The following ZMYND11 variants were observed in gnomAD, a reference collection of about 807,000 sequenced individuals.
ZMYND11 encodes zinc finger MYND-type containing 11.
A neutral mutation model predicts 84.9 loss-of-function variants in ZMYND11; 9 were observed. The ratio of observed to expected loss-of-function variants is 0.11; its 90% CI spans 0.06 to 0.18. The LOEUF (loss-of-function observed/expected upper bound fraction) is 0.18. Ranked by LOEUF, ZMYND11 falls within the 10% of genes least tolerant of loss-of-function variation. The probability of loss-of-function intolerance (pLI) is 1.00; values close to 1 mark genes in which losing one functional copy is unlikely to be tolerated. For synonymous variants in ZMYND11, 250 were observed against 244.1 expected (o/e 1.02, Z -0.23); for missense variants, 409 against 761.0 (o/e 0.54, Z 5.44).
At chr10:162,892 A>G (rs1159319448) in intron 1 of ZMYND11, among the ~76,000 whole-genome samples, 1 of 152,148 alleles carries the variant, frequency 6.6e-6, no homozygotes, top group Non-Finnish European at 1.5e-5. Flanking sequence ...TCTTGCTGTA[A>G]TGGTGACTGG....
chr10:148,635 C>G (rs1465382128), intron 1 of ZMYND11: 1 of 152,224 alleles, frequency 6.6e-6, no homozygotes, highest in African/African-American at 2.4e-5. Flanking sequence ...ACATAGTGTT[C>G]ATAATTCTTC....
intron 2 of ZMYND11, among the ~76,000 whole-genome samples, chr10:203,615 A>C (rs1459879513): frequency 1.3e-5 from 2 of 152,026 alleles, no homozygotes; most frequent in Non-Finnish European, 2.9e-5. Flanking sequence ...AAGGAGAGGA[A>C]CTCCCTAAGG....
At chr10:156,169 A>C (rs1841672235) in intron 1 of ZMYND11, among the ~76,000 whole-genome samples, 1 of 152,158 alleles carries the variant, frequency 6.6e-6, no homozygotes, top group African/African-American at 2.4e-5. Flanking sequence ...ACATCTGATG[A>C]TGCACAGGAT....
At chr10:190,998 A>G (rs990718921) in intron 2 of ZMYND11, among the ~76,000 whole-genome samples, 1 of 152,090 alleles carries the variant, frequency 6.6e-6, no homozygotes, top group African/African-American at 2.4e-5. Context: ...TAGGGTATAT[A>G]TATTTTCTAT....
At chr10:145,886 A>C (rs1018738724) in intron 1 of ZMYND11, among the ~76,000 whole-genome samples, 1 of 151,810 alleles carries the variant, frequency 6.6e-6, no homozygotes, top group African/African-American at 2.4e-5. Flanking sequence ...TTTTTAGTTT[A>C]ATTAGGTCTT....
chr10:219,361 C>T (rs965236510), intron 3 of ZMYND11, among the ~76,000 whole-genome samples: 4 of 152,056 alleles, frequency 2.6e-5, no homozygotes, highest in African/African-American at 9.7e-5. Flanking sequence ...TGAATGATGG[C>T]AATTTCTTTT....
chr10:237,612 G>A lies in ZMYND11; in HGVS notation c.544G>A (p.Asp182Asn). ...RAIDLNKKGKDNKHPMYRRLV... is the reference protein window; with the variant it reads ...RAIDLNKKGKNNKHPMYRRLV... ...TATAGATCTTAATAAAAAGGGGAAGGACAATAAACACCCGATGTACAGGAG... is the reference window on the plus strand; with the variant it reads ...TATAGATCTTAATAAAAAGGGGAAGAACAATAAACACCCGATGTACAGGAG... The change falls in exon 6 of 15, where the codon GAC becomes AAC. Residue 182 changes from aspartate (D) to asparagine (N), a missense_variant. Asp to Asn is a conservative substitution (Grantham distance 23). This residue lies in a region of ZMYND11 where 53 missense variants were observed against 71.1 expected (regional missense o/e 0.75). Transcript: ENST00000381604. 1.2e-6 allele frequency: 2 copies of A among 1,613,408 alleles called. No homozygotes were observed. Among genetic ancestry groups the A allele is most frequent in the Non-Finnish European group, 1.7e-6 (2 of 1,179,714 alleles).
intron 10 of ZMYND11, among the ~76,000 whole-genome samples, chr10:245,226 TTCATAAATAA>T (rs1175947822): frequency 2.0e-5 from 3 of 152,248 alleles, no homozygotes; most frequent in African/African-American, 7.2e-5. Flanking sequence ...TAACAATATA[TTCATAAATAA>T]TGTTATGGAA....
chr10:164,231 G>A (rs1554763013), intron 1 of ZMYND11, among the ~76,000 whole-genome samples: 1 of 152,054 alleles, frequency 6.6e-6, no homozygotes, highest in Non-Finnish European at 1.5e-5. Context: ...TGTCCTTTCT[G>A]CTTCAAACAT....
intron 2 of ZMYND11, among the ~76,000 whole-genome samples, chr10:205,067 A>G (rs142707330): frequency 1.3e-5 from 2 of 152,152 alleles, no homozygotes; most frequent in Non-Finnish European, 2.9e-5. Flanking sequence ...TTACCTGGTC[A>G]TTATAAGTTT....
intron 2 of ZMYND11, among the ~76,000 whole-genome samples, chr10:192,384 C>T (rs938382651): frequency 6.6e-6 from 1 of 152,196 alleles, no homozygotes; most frequent in Non-Finnish European, 1.5e-5. Context: ...GCCAGTGTTA[C>T]AGTCTAGAAT....
intron 2 of ZMYND11, among the ~76,000 whole-genome samples, chr10:183,200 G>C (rs746007253): frequency 6.6e-6 from 1 of 150,786 alleles, no homozygotes; most frequent in African/African-American, 2.4e-5. Flanking sequence ...TTAATCTCTA[G>C]GTTTCTCTTC....
intron 4 of ZMYND11, among the ~76,000 whole-genome samples, chr10:231,521 A>T (rs1013837502): frequency 6.6e-6 from 1 of 152,212 alleles, no homozygotes; most frequent in African/African-American, 2.4e-5. Flanking sequence ...AGAACTGAAA[A>T]TTCTGTACTA....
chr10:169,680 G>A (rs371281431), intron 1 of ZMYND11, among the ~76,000 whole-genome samples: 6 of 152,242 alleles, frequency 3.9e-5, no homozygotes, highest in African/African-American at 1.4e-4. Flanking sequence ...TAGACTGGAC[G>A]TGACTAAGGA....
At chr10:219,346 A>G (rs1194783368) in intron 3 of ZMYND11, among the ~76,000 whole-genome samples, 3 of 152,218 alleles carry the variant, frequency 2.0e-5, no homozygotes, top group Admixed American at 1.3e-4. Flanking sequence ...AAAAAATTCA[A>G]GTGATGAATG....
In ZMYND11 at chr10:180,072, A is replaced by C. The variant is rs887665114; in HGVS notation, c.60A>C (p.Ala20=). ...ADTKAIQHLW[A]AIEIIRNQKQ... ...CAAAAGCTATCCAGCATCTTTGGGC[A>C]GCCATTGAGATTATACGGAACCAGA... is the stretch of plus-strand genomic sequence containing the variant. Residue 20 remains alanine, a synonymous_variant, in exon 2 of 15, where the codon GCA becomes GCC. Coordinates refer to ENST00000381604, the MANE Select transcript of ZMYND11 (RefSeq NM_001370100.5). 1.2e-6 allele frequency: 2 copies of C among 1,613,764 alleles called. No individual in the cohort carries two copies. The highest frequency in any genetic ancestry group is 1.7e-6 in the Non-Finnish European group (2 of 1,179,806).
At chr10:201,951 C>G (rs891702809) in intron 2 of ZMYND11, among the ~76,000 whole-genome samples, 1 of 152,146 alleles carries the variant, frequency 6.6e-6, no homozygotes, top group Non-Finnish European at 1.5e-5. Flanking sequence ...GTTCTGTTTT[C>G]TCTTTATTGG....
intron 2 of ZMYND11, chr10:197,904 AT>A: frequency 1.7e-6 from 1 of 580,590 alleles, no homozygotes; most frequent in Non-Finnish European, 3.1e-6. Flanking sequence ...ATATATTTCA[AT>A]TTCAGATGTG....
At chr10:158,345 G>A (rs1280254288) in intron 1 of ZMYND11, among the ~76,000 whole-genome samples, 1 of 151,280 alleles carries the variant, frequency 6.6e-6, no homozygotes, top group East Asian at 1.9e-4. Flanking sequence ...CACCAGCAAT[G>A]TATGAAAACA....
Sources: allele counts gnomAD v4.1 joint callset (sites outside exome capture counted in the v4.1 genomes callset), GRCh38; gene constraint gnomAD v4.1.1; regional missense constraint gnomAD v4.1.1; transcripts MANE v1.5; gene names NCBI Gene and HGNC (gene_info 2026-07-23, HGNC 2026-07-21).